Variants in NUP58 observed in about 807,000 individuals in gnomAD.
The protein encoded by NUP58 is nucleoporin 58.
In NUP58, 17 loss-of-function variants were observed where a neutral mutation model predicts 70.1. The observed-to-expected ratio is 0.24, with a 90% CI of 0.17 to 0.36. The LOEUF (loss-of-function observed/expected upper bound fraction) is 0.36, where lower values mean the gene tolerates loss of function less well. Among genes scored for constraint, NUP58 ranks in the 10% least tolerant of loss-of-function variants. The pLI is 1.00. For missense variants in NUP58, 644 were observed against 701.5 expected (o/e 0.92, Z 0.93); for synonymous variants, 275 against 257.6 (o/e 1.07, Z -0.65).
chr13:25,338,311 A>G (rs2031853835), intron 14 of NUP58, among the ~76,000 whole-genome samples: 1 of 152,218 alleles, frequency 6.6e-6, no homozygotes, highest in African/African-American at 2.4e-5. Context: ...GGAAATGGTT[A>G]TAACTGACTA....
At chr13:25,303,551 A>C (rs1041965988) in intron 1 of NUP58, among the ~76,000 whole-genome samples, 5 of 151,866 alleles carry the variant, frequency 3.3e-5, no homozygotes, top group African/African-American at 1.2e-4. Flanking sequence ...TTCTCTTTTC[A>C]AGTGGGCTTT....
intron 1 of NUP58, among the ~76,000 whole-genome samples, chr13:25,305,701 C>T (rs1340839310): frequency 6.6e-6 from 1 of 152,162 alleles, no homozygotes; most frequent in African/African-American, 2.4e-5. Context: ...TCTTTGCCAT[C>T]GTTTGGTACT....
intron 6 of NUP58, among the ~76,000 whole-genome samples, chr13:25,316,838 A>G (rs2030953417): frequency 6.6e-6 from 1 of 152,184 alleles, no homozygotes; most frequent in African/African-American, 2.4e-5. Flanking sequence ...CTGCTTTCAT[A>G]GTGTACCTAA....
intron 10 of NUP58, 74 bp downstream of exon 10, chr13:25,325,142 T>A: frequency 9.6e-7 from 1 of 1,037,920 alleles, no homozygotes; most frequent in South Asian, 1.4e-5. Context: ...GTATACAAAC[T>A]AAATATTTTT....
chr13:25,321,034 G>A lies in NUP58; in HGVS notation c.892G>A (p.Ala298Thr). The A allele has an allele frequency of 2.5e-6, 4 of 1,600,604 alleles. No individual in the cohort carries two copies. In the South Asian group the frequency reaches 3.4e-5, roughly 14 times the overall value. ...TCTGAAGCAGCTCCTGTCGTTGGCT[G>A]CCAATGGAATACAGAGAAACACTCT... ...KALKQLLSLA[A>T]NGIQRNTLNI... The change falls in exon 9 of 16, where the codon GCC becomes ACC. Residue 298 changes from alanine to threonine, a missense_variant. Physicochemically the swap from Ala to Thr is moderately conservative, Grantham distance 58. Transcript: ENST00000381736.
chr13:25,320,200 G>A (rs2031122294), intron 7 of NUP58: 2 of 178,192 alleles, frequency 1.1e-5, no homozygotes, highest in South Asian at 3.1e-4. Context: ...TAAGCCAGAG[G>A]GAACTTAGTT....
chr13:25,309,389 T>C, intron 3 of NUP58, 107 bp downstream of exon 3: 1 of 874,616 alleles, frequency 1.1e-6, no homozygotes, highest in South Asian at 1.7e-5. Flanking sequence ...AGAGCTGGAG[T>C]ATAGAAAAAA....
intron 3 of NUP58, 179 bp downstream of exon 3, chr13:25,309,461 G>T: frequency 4.0e-6 from 2 of 504,340 alleles, no homozygotes; most frequent in Non-Finnish European, 6.9e-6. Flanking sequence ...TGAAAAAAAG[G>T]AATGACTTCG....
intron 4 of NUP58, 26 bp from the exon 5 acceptor site, chr13:25,313,588 A>G (rs2030779820): frequency 1.4e-6 from 2 of 1,434,962 alleles, no homozygotes; most frequent in East Asian, 5.5e-5. Flanking sequence ...TTGCCTTTTG[A>G]AAGCTTACTA....
rs71868545 is a variant in NUP58 at position 25,304,520 on chromosome 13, ATT to A, written c.107+2654_107+2655del. On this transcript the variant is annotated intron_variant, in intron 1 of 15. Coordinates refer to ENST00000381736, the MANE Select transcript of NUP58 (RefSeq NM_014089.4). ...TATATATATATATATATATATATGT[ATT>A]TTTTTTTTTTTTTAAGACAGTCTCA... Among the ~76,000 whole-genome samples, 478 of 93,240 alleles carry A rather than the reference ATT, an allele frequency of 5.1e-3. 7 individuals carry two copies. The highest frequency in any genetic ancestry group is 0.018 in the African/African-American group (404 of 21,918). The allele number at this position is 93,240 out of a possible 152,430, so 61.2% of individuals were successfully genotyped here. A position where few individuals can be genotyped will look rare whatever the true frequency, so the allele number is the denominator to read the frequency against.
intron 1 of NUP58, among the ~76,000 whole-genome samples, chr13:25,303,372 C>G (rs902276195): frequency 6.6e-6 from 1 of 151,642 alleles, no homozygotes; most frequent in Non-Finnish European, 1.5e-5. Flanking sequence ...AACTACCACC[C>G]TAAATAACTG....
chr13:25,306,086 T>C (rs2030340388), intron 1 of NUP58, among the ~76,000 whole-genome samples: 1 of 152,300 alleles, frequency 6.6e-6, no homozygotes, highest in Middle Eastern at 3.4e-3. Context: ...TAATTCATCC[T>C]GTGCTCTGAA....
chr13:25,334,683 C>T, intron 13 of NUP58: 1 of 979,086 alleles, frequency 1.0e-6, no homozygotes, highest in African/African-American at 1.7e-5. Context: ...TTGGGGTGAT[C>T]ATGGAAAATT....
intron 15 of NUP58, among the ~76,000 whole-genome samples, chr13:25,339,444 A>G (rs902431430): frequency 4.3e-4 from 65 of 152,228 alleles, no homozygotes; most frequent in African/African-American, 1.5e-3. Flanking sequence ...GAAATATTGT[A>G]TTAGTTAACT....
At chr13:25,322,952 T>G (rs556753963) in intron 9 of NUP58, among the ~76,000 whole-genome samples, 1 of 152,154 alleles carries the variant, frequency 6.6e-6, no homozygotes, top group East Asian at 1.9e-4. Context: ...GAAAACATAA[T>G]TAGAGCAAAA....
At chr13:25,346,163 A>G (rs920126747), downstream of NUP58, among the ~76,000 whole-genome samples, 9 of 152,184 alleles carry the variant, frequency 5.9e-5, no homozygotes, top group African/African-American at 1.9e-4. Flanking sequence ...GTCTATACTC[A>G]ATAGCTAACA....
intron 6 of NUP58, among the ~76,000 whole-genome samples, chr13:25,317,381 A>T (rs997341561): frequency 1.2e-4 from 19 of 152,178 alleles, no homozygotes; most frequent in African/African-American, 4.3e-4. Context: ...TGACAGCCAT[A>T]TGGAAAATAG....
chr13:25,306,287 C>T (rs904722302), intron 1 of NUP58, among the ~76,000 whole-genome samples: 1 of 150,932 alleles, frequency 6.6e-6, no homozygotes, highest in African/African-American at 2.4e-5. Flanking sequence ...CACCTATAGT[C>T]TGAGCTACTC....
At chr13:25,336,406 G>A (rs2031784242) in intron 13 of NUP58, 2 of 682,052 alleles carry the variant, frequency 2.9e-6, no homozygotes, top group Admixed American at 3.6e-5. Context: ...GAGAAATCAT[G>A]CCTAGTTTTT....
Sources: gnomAD v4.1 joint callset for allele counts (sites outside exome capture counted in the v4.1 genomes callset) on GRCh38, gnomAD v4.1.1 for gene constraint, MANE v1.5 for transcripts, NCBI Gene and HGNC (gene_info 2026-07-23, HGNC 2026-07-21) for gene names.